The following MROH1 variants were observed in gnomAD, a reference collection of about 807,000 sequenced individuals.
MROH1 encodes maestro heat-like repeat-containing protein family member 1.
A neutral mutation model predicts 116.5 loss-of-function variants in MROH1; 117 were observed. The observed-to-expected ratio is 1.00, with a 90% CI of 0.86 to 1.17. The LOEUF (loss-of-function observed/expected upper bound fraction) is 1.17, where lower values mean the gene tolerates loss of function less well. Ranked by LOEUF, MROH1 falls within the 50% of genes most tolerant of loss-of-function variation. The probability of loss-of-function intolerance (pLI) is 0.00; values close to 1 mark genes in which losing one functional copy is unlikely to be tolerated. For synonymous variants in MROH1, 921 were observed against 583.9 expected (o/e 1.58, Z -8.32); for missense variants, 1,873 against 1,338.5 (o/e 1.40, Z -6.23).
intron 12 of MROH1, among the ~76,000 whole-genome samples, chr8:144,208,931 C>T (rs1280009450): frequency 6.6e-6 from 1 of 151,872 alleles, no homozygotes; most frequent in African/African-American, 2.4e-5. Flanking sequence ...ACTGTGTTGG[C>T]CAGGCTGGTC....
At position 144,260,066 on chromosome 8, in the gene MROH1, G is replaced by A. The variant is rs933007025; in HGVS notation, c.4191+9G>A. 4.1e-6 allele frequency: 3 copies of A among 727,206 alleles called. No individual in the cohort carries two copies. The highest frequency in any genetic ancestry group is 5.2e-5 in the East Asian group (2 of 38,610). 45.0% of individuals were successfully genotyped at this position (727,206 alleles called of 1,614,324 possible). On this transcript the variant is annotated intron_variant, in intron 38 of 43. Coordinates refer to ENST00000326134, the MANE Select transcript of MROH1 (RefSeq NM_032450.3). ...CCGGCTGCCCTGACAAGGTGGGGTG[G>A]CCACCAGCCCCTCTGGGTCCCAGGC... is the stretch of plus-strand genomic sequence containing the variant.
chr8:144,180,946 C>T lies in MROH1; in HGVS notation c.562+423C>T, dbSNP rs1825470641. Among the ~76,000 whole-genome samples the T allele has an allele frequency of 6.6e-6, 1 of 151,972 alleles. No homozygotes were observed. The highest frequency in any genetic ancestry group is 1.5e-5 in the Non-Finnish European group (1 of 68,010). ...GAGCCCCATTCCTGGCAGCACTGCC[C>T]ACAGCCCTCTGTGTGCCTGGCAGGG... On this transcript the variant is annotated intron_variant, in intron 7 of 43. Transcript: ENST00000326134. This position sits in a 1 kb window ranked among gnomAD's most constrained non-coding sequence, Gnocchi z 7.4.
Position 144,242,386 on chromosome 8 carries a change from A to G in MROH1, c.2196A>G (p.Glu732=), listed in dbSNP as rs1242062276. The G allele has an allele frequency of 2.0e-5, 16 of 780,594 alleles. No homozygotes were observed. The highest frequency in any genetic ancestry group is 2.0e-4 in the Admixed American group (12 of 59,014). The allele number at this position is 780,594 out of a possible 1,614,324, so 48.4% of individuals were successfully genotyped here. ...CCTCTCAGGATCGAAGTGAGAACGA[A>G]GTGGAGAAGGTGAAGAGTGCTCTGA... ...LNIFKDRSEN[E]VEKVKSALIL... The change falls in exon 23 of 44, where the codon GAA becomes GAG. Residue 732 remains glutamate (E), a synonymous_variant. Transcript: ENST00000326134.
intron 4 of MROH1, among the ~76,000 whole-genome samples, chr8:144,174,467 G>A (rs1206133662): frequency 2.7e-5 from 4 of 150,538 alleles, no homozygotes; most frequent in African/African-American, 9.8e-5. Flanking sequence ...TGGAACACAA[G>A]TAATACATAA....
intron 31 of MROH1, among the ~76,000 whole-genome samples, chr8:144,248,323 C>T (rs1842258477): frequency 6.6e-6 from 1 of 152,152 alleles, no homozygotes; most frequent in Non-Finnish European, 1.5e-5. Flanking sequence ...AAGAGTCCTT[C>T]CAAGGGGATG....
chr8:144,254,989 C>T lies in MROH1; in HGVS notation c.3594+11C>T. ...CTGCTGCCTCTCTCGGTGAGTCGGG[C>T]TCTCGGGGCCACCTTGACACGCTGT... On this transcript the variant is annotated intron_variant, in intron 34 of 43. Coordinates refer to ENST00000326134, the MANE Select transcript of MROH1 (RefSeq NM_032450.3). 1.3e-6 allele frequency: 1 copy of T among 745,202 alleles called. No individual in the cohort carries two copies. Among genetic ancestry groups the T allele is most frequent in the South Asian group, 1.4e-5 (1 of 70,326 alleles). The allele number at this position is 745,202 out of a possible 1,614,324, so 46.2% of individuals were successfully genotyped here.
intron 1 of MROH1, among the ~76,000 whole-genome samples, chr8:144,160,229 G>T (rs573217027): frequency 6.6e-6 from 1 of 152,164 alleles, no homozygotes; most frequent in Non-Finnish European, 1.5e-5. Context: ...GCTTTGTTAG[G>T]TGAGACCAGA....
At chr8:144,168,130 C>G (rs1321306471) in intron 3 of MROH1, among the ~76,000 whole-genome samples, 165 bp from the exon 4 acceptor site, 1 of 152,194 alleles carries the variant, frequency 6.6e-6, no homozygotes, top group Non-Finnish European at 1.5e-5. Flanking sequence ...TGCAGCAGCT[C>G]AGGTGGAGGG....
intron 7 of MROH1, among the ~76,000 whole-genome samples, chr8:144,187,907 G>A (rs922631363): frequency 1.1e-4 from 16 of 152,296 alleles, no homozygotes; most frequent in Admixed American, 9.8e-4. Context: ...AGGTGGGGGT[G>A]TAGGAAGCAC....
chr8:144,178,408 A>G (rs889299897), intron 4 of MROH1, among the ~76,000 whole-genome samples: 19 of 151,768 alleles, frequency 1.3e-4, no homozygotes, highest in Non-Finnish European at 7.4e-5. Context: ...TTGAGATTAC[A>G]GGCGTGAGCC....
At chr8:144,178,493 C>T (rs1824679785) in intron 4 of MROH1, among the ~76,000 whole-genome samples, 1 of 152,022 alleles carries the variant, frequency 6.6e-6, no homozygotes, top group Admixed American at 6.6e-5. Flanking sequence ...GGTCTTGAAC[C>T]CCTGACATCA....
intron 1 of MROH1, chr8:144,148,504 C>G (rs1815952792): frequency 6.6e-6 from 1 of 152,362 alleles, no homozygotes; most frequent in African/African-American, 2.4e-5. Flanking sequence ...TCCCCCCAGG[C>G]GGGGCCACCG....
Position 144,243,498 on chromosome 8 carries a change from C to T in MROH1, c.2357C>T (p.Pro786Leu). The T allele has an allele frequency of 1.3e-6, 1 of 779,622 alleles. No homozygotes were observed. The highest frequency in any genetic ancestry group is 2.4e-6 in the Non-Finnish European group (1 of 417,818). 48.3% of individuals were successfully genotyped at this position (779,622 alleles called of 1,614,324 possible). A position where few individuals can be genotyped will look rare whatever the true frequency, so the allele number is the denominator to read the frequency against. The part of the protein sequence containing the change: ...VLGIKVETKD[P>L]ALKLCLVQSV... ...TGTAGCCCTGCGTCCCTGCAGGACC[C>T]AGCCCTGAAGCTGTGCCTTGTCCAG... The change falls in exon 25 of 44, where the codon CCA becomes CTA. Residue 786 changes from proline to leucine, a missense_variant. By Grantham distance (98) the Pro-to-Leu change is moderately conservative (BLOSUM62 -3). Coordinates refer to ENST00000326134, the MANE Select transcript of MROH1 (RefSeq NM_032450.3).
Position 144,256,161 on chromosome 8 carries a change from G to A in MROH1, c.3791+456G>A, listed in dbSNP as rs551993840. Among the ~76,000 whole-genome samples the A allele has an allele frequency of 5.3e-5, 8 of 152,272 alleles. No individual in the cohort carries two copies. In the East Asian group the frequency reaches 1.3e-3, roughly 26 times the overall value. On this transcript the variant is annotated intron_variant, in intron 35 of 43. Transcript: ENST00000326134. Reference sequence around the variant, plus strand: ...ACACGTAAGAGCTGCCCAGGTGCCTGACATGAAGCATTCCAGGTCCTACAC... The same window carrying A: ...ACACGTAAGAGCTGCCCAGGTGCCTAACATGAAGCATTCCAGGTCCTACAC...
At chr8:144,181,024 G>A (rs1419568014) in intron 7 of MROH1, among the ~76,000 whole-genome samples, 2 of 152,180 alleles carry the variant, frequency 1.3e-5, no homozygotes, top group African/African-American at 4.8e-5. Context: ...CACTGACAGT[G>A]GGGGAGTGGT....
chr8:144,217,305 A>C (rs1245664017), intron 12 of MROH1, among the ~76,000 whole-genome samples: 2 of 152,222 alleles, frequency 1.3e-5, no homozygotes, highest in Non-Finnish European at 2.9e-5. Flanking sequence ...TGTGCACAAA[A>C]TTTTAGAAAT....
chr8:144,220,672 A>G lies in MROH1; in HGVS notation c.1214A>G (p.Lys405Arg), dbSNP rs1836521413. Residue 405 changes from lysine (K) to arginine (R), a missense_variant and splice_region_variant, in exon 13 of 44, where the codon AAG becomes AGG. Coordinates refer to ENST00000326134, the MANE Select transcript of MROH1 (RefSeq NM_032450.3). ...CTTCCTCTCCTGGACACCAACAGCA[A>G]GGTAAACCACATGGGCCAGCCCAGG... ...MRLPLLDTNS[K>R]VKRAVVQVIS... 1 of 1,570,724 alleles carries G rather than the reference A, an allele frequency of 6.4e-7. No individual in the cohort carries two copies. Among genetic ancestry groups the G allele is most frequent in the African/African-American group, 1.4e-5 (1 of 73,824 alleles).
intron 35 of MROH1, among the ~76,000 whole-genome samples, chr8:144,258,047 C>T (rs1311142889): frequency 6.6e-6 from 1 of 152,206 alleles, no homozygotes; most frequent in Non-Finnish European, 1.5e-5. Context: ...GGAGCAGCCT[C>T]AGCAGGGAAG....
chr8:144,188,980 G>A (rs1488079450), intron 7 of MROH1, among the ~76,000 whole-genome samples: 1 of 152,220 alleles, frequency 6.6e-6, no homozygotes, highest in African/African-American at 2.4e-5. Context: ...CACACAGCCA[G>A]CCAACATACA....
Sources: allele counts gnomAD v4.1 joint callset (sites outside exome capture counted in the v4.1 genomes callset), GRCh38; gene constraint gnomAD v4.1.1; non-coding constraint Gnocchi (gnomAD v3.1); transcripts MANE v1.5; gene names NCBI Gene and HGNC (gene_info 2026-07-23, HGNC 2026-07-21).